CNTNAP3B: variants seen among roughly 807,000 people sequenced by gnomAD.
CNTNAP3B encodes the protein contactin-associated protein-like 3B.
A neutral mutation model predicts 108.9 loss-of-function variants in CNTNAP3B; 25 were observed. The observed-to-expected ratio is 0.23, with a 90% CI of 0.17 to 0.32. The LOEUF is 0.32. CNTNAP3B is among the 10% of genes least tolerant of loss of function. The pLI is 1.00. For synonymous variants in CNTNAP3B, 103 were observed against 473.4 expected (o/e 0.22, Z 10.16); for missense variants, 252 against 1,210.4 (o/e 0.21, Z 11.75).
chr9:42,047,756 C>G (rs1228103911), intron 3 of CNTNAP3B, among the ~76,000 whole-genome samples: 1 of 106,046 alleles, frequency 9.4e-6, no homozygotes, highest in Non-Finnish European at 1.9e-5. Flanking sequence ...TCACCTGCAT[C>G]TCCTTTTCAT....
chr9:42,087,228 C>T (rs1278223027), intron 2 of CNTNAP3B, among the ~76,000 whole-genome samples: 10 of 138,788 alleles, frequency 7.2e-5, no homozygotes, highest in East Asian at 6.5e-4. Context: ...CTTAGAAGAT[C>T]TCCATATAGG....
At chr9:42,106,406 AG>A (rs1301229099) in intron 1 of CNTNAP3B, among the ~76,000 whole-genome samples, 1 of 94,972 alleles carries the variant, frequency 1.1e-5, no homozygotes, top group African/African-American at 4.2e-5. Flanking sequence ...AGCATAATCT[AG>A]CTAAGAAATT....
At chr9:42,030,785 A>AGAGAGAGAGAGAGAGAGG (rs1564177840) in intron 3 of CNTNAP3B, among the ~76,000 whole-genome samples, 2 of 42,812 alleles carry the variant, frequency 4.7e-5, no homozygotes, top group Non-Finnish European at 9.7e-5. Flanking sequence ...AGAGAGAGAG[A>AGAGAGAGAGAGAGAGAGG]TGTGTGCGAG....
intron 13 of CNTNAP3B, among the ~76,000 whole-genome samples, chr9:41,945,040 G>C (rs1470507357): frequency 2.6e-5 from 4 of 152,244 alleles, no homozygotes; most frequent in African/African-American, 9.6e-5. Flanking sequence ...GGCCATCAGA[G>C]AAATGCAAAT....
At chr9:41,933,964 C>T (rs1173291174) in intron 14 of CNTNAP3B, among the ~76,000 whole-genome samples, 56 of 146,100 alleles carry the variant, frequency 3.8e-4, no homozygotes, top group Middle Eastern at 3.5e-3. Flanking sequence ...CCTTGCTAAA[C>T]GATATATGGC....
At chr9:41,940,386 T>G (rs1480364188) in intron 13 of CNTNAP3B, among the ~76,000 whole-genome samples, 1 of 152,300 alleles carries the variant, frequency 6.6e-6, no homozygotes, top group Non-Finnish European at 1.5e-5. Flanking sequence ...AGAACCCTAA[T>G]TTGAATGATA....
At chr9:42,036,289 A>T in intron 3 of CNTNAP3B, among the ~76,000 whole-genome samples, 1 of 141,386 alleles carries the variant, frequency 7.1e-6, no homozygotes, top group South Asian at 2.2e-4. Flanking sequence ...TCTTTTGCCA[A>T]TCTGTTCTCC....
At chr9:41,920,842 T>C (rs1823647304) in intron 17 of CNTNAP3B, among the ~76,000 whole-genome samples, 1 of 152,304 alleles carries the variant, frequency 6.6e-6, no homozygotes, top group Non-Finnish European at 1.5e-5. Context: ...GAGGGGAAGT[T>C]GGAAGGGGTG....
At chr9:41,938,759 G>A (rs1377180815) in intron 13 of CNTNAP3B, among the ~76,000 whole-genome samples, 2 of 152,266 alleles carry the variant, frequency 1.3e-5, no homozygotes, top group Non-Finnish European at 2.9e-5. Flanking sequence ...TTGAAATTAT[G>A]AAATGTTCAT....
Position 41,957,802 on chromosome 9 carries a change from C to T in CNTNAP3B, c.1876+2971G>A, listed in dbSNP as rs557468808. Among the ~76,000 whole-genome samples, 6 of 152,394 alleles carry T rather than the reference C, an allele frequency of 3.9e-5. No homozygotes were observed. In the East Asian group the frequency reaches 1.2e-3, roughly 29 times the overall value. On this transcript the variant is annotated intron_variant, in intron 12 of 23. Coordinates refer to ENST00000377561, the MANE Select transcript of CNTNAP3B (RefSeq NM_001201380.3). ...TTGAGACAAAATCTCGCTCTGTCAC[C>T]CAGGCTGGAGTTCAGTGGCATGATC...
intron 18 of CNTNAP3B, among the ~76,000 whole-genome samples, chr9:41,913,748 A>G (rs1490030324): frequency 2.3e-5 from 3 of 129,674 alleles, no homozygotes; most frequent in Non-Finnish European, 4.9e-5. Flanking sequence ...GATATCTAGT[A>G]AACATGAAGT....
At position 42,115,470 on chromosome 9, in the gene CNTNAP3B, G is replaced by T. The variant is rs1345061662; in HGVS notation, c.86-10731C>A. Among the ~76,000 whole-genome samples the T allele has an allele frequency of 2.9e-5, 4 of 139,782 alleles. 1 individual carries two copies. Among genetic ancestry groups the T allele is most frequent in the South Asian group, 4.6e-4 (2 of 4,338 alleles). 91.7% of individuals were successfully genotyped at this position (139,782 alleles called of 152,430 possible). A position where few individuals can be genotyped will look rare whatever the true frequency, so the allele number is the denominator to read the frequency against. Reference sequence around the variant, plus strand: ...AACTGGGAGACAACTCCCAGTAGGGGCTGACTGACACCGCATACAGCCAGG... The same window carrying T: ...AACTGGGAGACAACTCCCAGTAGGGTCTGACTGACACCGCATACAGCCAGG... On this transcript the variant is annotated intron_variant, in intron 1 of 23. Transcript: ENST00000377561.
chr9:41,963,485 A>C (rs534240991), intron 11 of CNTNAP3B, among the ~76,000 whole-genome samples: 78 of 149,894 alleles, frequency 5.2e-4, no homozygotes, highest in African/African-American at 1.9e-3. Flanking sequence ...GTGATTCTTC[A>C]GTAAAGACAG....
intron 2 of CNTNAP3B, among the ~76,000 whole-genome samples, chr9:42,087,074 A>G (rs1827718794): frequency 7.1e-6 from 1 of 140,944 alleles, no homozygotes; most frequent in Non-Finnish European, 1.5e-5. Flanking sequence ...TTTTAATGCT[A>G]TTGTGAATGA....
In CNTNAP3B at chr9:41,934,188, CAT is replaced by C. The variant is rs748553009; in HGVS notation, c.2237+4054_2237+4055del. 9.9e-3 allele frequency among the ~76,000 whole-genome samples: 1,340 copies of C among 134,910 alleles called. 1 individual carries two copies. Among genetic ancestry groups the C allele is most frequent in the African/African-American group, 0.037 (1,256 of 34,376 alleles). The allele number at this position is 134,910 out of a possible 152,430, so 88.5% of individuals were successfully genotyped here. A position where few individuals can be genotyped will look rare whatever the true frequency, so the allele number is the denominator to read the frequency against. On this transcript the variant is annotated intron_variant, in intron 14 of 23. Coordinates refer to ENST00000377561, the MANE Select transcript of CNTNAP3B (RefSeq NM_001201380.3). ...ACACACATATATATACACACACACA[CAT>C]ATATATATACATACACACACACACA...
intron 3 of CNTNAP3B, among the ~76,000 whole-genome samples, chr9:42,060,071 G>T (rs1453743004): frequency 6.7e-6 from 1 of 148,274 alleles, no homozygotes; most frequent in Non-Finnish European, 1.5e-5. Flanking sequence ...GTTGAAAGAA[G>T]TGGTGATAGT....
At chr9:42,117,257 T>C (rs867946477) in intron 1 of CNTNAP3B, among the ~76,000 whole-genome samples, 64 of 133,486 alleles carry the variant, frequency 4.8e-4, no homozygotes, top group African/African-American at 1.8e-3. Context: ...TACTCCAAAA[T>C]TGACCACATA....
intron 13 of CNTNAP3B, among the ~76,000 whole-genome samples, chr9:41,942,114 A>T (rs1010785903): frequency 2.0e-5 from 3 of 152,290 alleles, no homozygotes; most frequent in Admixed American, 2.0e-4. Flanking sequence ...AAGGAAGCTG[A>T]GAAGCACTCT....
intron 3 of CNTNAP3B, among the ~76,000 whole-genome samples, chr9:42,019,234 T>C (rs1826265126): frequency 1.4e-5 from 1 of 71,108 alleles, no homozygotes. Context: ...ACTTAATTAT[T>C]TTAAAGTGCT....
Sources: gnomAD v4.1 joint callset for allele counts (sites outside exome capture counted in the v4.1 genomes callset) on GRCh38, gnomAD v4.1.1 for gene constraint, MANE v1.5 for transcripts, NCBI Gene and HGNC (gene_info 2026-07-23, HGNC 2026-07-21) for gene names.